Variants in NEBL observed in about 807,000 individuals in gnomAD.
NEBL encodes the protein nebulette.
NEBL carries 122 observed loss-of-function variants against 140.2 expected under a neutral mutation model. That is an observed-to-expected ratio of 0.87 (90% CI 0.75 to 1.01). The LOEUF (loss-of-function observed/expected upper bound fraction) is 1.01. Ranked by LOEUF, NEBL falls within the 50% of genes least tolerant of loss-of-function variation. The pLI is 0.00. For missense variants in NEBL, 1,365 were observed against 1,231.3 expected, an observed-to-expected ratio of 1.11 and a Z score of -1.62; for synonymous variants, 436 against 398.9, an observed-to-expected ratio of 1.09 and a Z score of -1.11.
At chr10:20,988,303 C>T (rs1837332457) in intron 3 of NEBL, among the ~76,000 whole-genome samples, 1 of 152,176 alleles carries the variant, frequency 6.6e-6, no homozygotes. Flanking sequence ...CTCAGAAAAA[C>T]CCTTTCCACA....
At chr10:20,888,629 G>C (rs571747890) in intron 3 of NEBL, among the ~76,000 whole-genome samples, 3 of 152,248 alleles carry the variant, frequency 2.0e-5, no homozygotes, top group Admixed American at 2.0e-4. Flanking sequence ...CCTGCTCCAG[G>C]GGGAGAGGGG....
intron 2 of NEBL, among the ~76,000 whole-genome samples, chr10:21,166,352 T>A (rs1001294667): frequency 6.6e-6 from 1 of 152,084 alleles, no homozygotes; most frequent in Non-Finnish European, 1.5e-5. Context: ...TTAAATGAAT[T>A]CTGATGTTTT....
chr10:20,800,288 G>T (rs2131690198), intron 26 of NEBL, among the ~76,000 whole-genome samples: 1 of 151,956 alleles, frequency 6.6e-6, no homozygotes, highest in East Asian at 1.9e-4. Context: ...CCATATTATG[G>T]CAAATGGCAG....
chr10:20,872,612 C>G (rs1461411367), intron 5 of NEBL, among the ~76,000 whole-genome samples: 1 of 152,104 alleles, frequency 6.6e-6, no homozygotes, highest in Non-Finnish European at 1.5e-5. Flanking sequence ...GGCTGCATTC[C>G]CAGATGGTTA....
At chr10:20,869,863 T>TA in intron 5 of NEBL, 22 bp from the exon 6 acceptor site, 1 of 1,428,352 alleles carries the variant, frequency 7.0e-7, no homozygotes, top group Non-Finnish European at 9.9e-7. Flanking sequence ...CAGTTTTGGT[T>TA]AAAAAATAAA....
intron 26 of NEBL, among the ~76,000 whole-genome samples, chr10:20,788,749 A>C (rs969895130): frequency 6.6e-6 from 1 of 152,206 alleles, no homozygotes; most frequent in Non-Finnish European, 1.5e-5. Context: ...TTATCAACAA[A>C]ATTTAAATAT....
chr10:20,946,823 A>C (rs1263852552), intron 4 of NEBL, among the ~76,000 whole-genome samples: 2 of 152,186 alleles, frequency 1.3e-5, no homozygotes, highest in African/African-American at 4.8e-5. Context: ...GGGATTCTAG[A>C]TGTGGAAATC....
chr10:21,182,908 CTTTATA>C (rs973833326), intron 3 of NEBL, among the ~76,000 whole-genome samples: 17 of 152,190 alleles, frequency 1.1e-4, no homozygotes, highest in African/African-American at 3.1e-4. Flanking sequence ...GCAGTACCCA[CTTTATA>C]TTTATAGCGC....
chr10:20,796,607 G>T (rs1836571706), intron 26 of NEBL, among the ~76,000 whole-genome samples: 1 of 151,980 alleles, frequency 6.6e-6, no homozygotes, highest in South Asian at 2.1e-4. Flanking sequence ...CCATAATATG[G>T]TTTAAATACA....
intron 3 of NEBL, among the ~76,000 whole-genome samples, chr10:21,217,493 G>GA (rs11452936): frequency 0.28 from 42,813 of 152,036 alleles, 10,932 homozygotes; most frequent in African/African-American, 0.69. Flanking sequence ...TTCTAAATAC[G>GA]ACTGGCTTCC....
intron 3 of NEBL, 151 bp from the exon 4 acceptor site, chr10:20,888,358 A>G: frequency 1.6e-6 from 1 of 642,532 alleles, no homozygotes; most frequent in Non-Finnish European, 2.8e-6. Context: ...AGAGCTGACA[A>G]ACTCCAGGAT....
At chr10:21,170,815 C>G (rs965179766) in intron 2 of NEBL, 2 of 152,358 alleles carry the variant, frequency 1.3e-5, no homozygotes, top group Admixed American at 1.3e-4. Context: ...TGAGTGATTC[C>G]ATTTGCTTAC....
Position 20,831,471 on chromosome 10 carries a change from A to C in NEBL, c.1560+2T>G. ...AAACTTTGTATCTTGCTGCTGTCTT[A>C]CCTGGCTGGCCATCTCGGATGCTTT... On this transcript the variant is annotated splice_donor_variant, in intron 15 of 27. Coordinates refer to ENST00000377122, the MANE Select transcript of NEBL (RefSeq NM_006393.3). LOFTEE classifies it high-confidence loss of function. 6.3e-7 allele frequency: 1 copy of C among 1,598,260 alleles called. No homozygotes were observed. The highest frequency in any genetic ancestry group is 8.6e-7 in the Non-Finnish European group (1 of 1,167,030).
At chr10:20,834,430 G>A (rs191567283) in intron 14 of NEBL, among the ~76,000 whole-genome samples, 10 of 152,304 alleles carry the variant, frequency 6.6e-5, no homozygotes, top group African/African-American at 2.4e-4. Flanking sequence ...TTATTGATCA[G>A]GAAACCTATA....
chr10:21,167,651 A>G (rs570645869), intron 2 of NEBL, among the ~76,000 whole-genome samples: 1 of 152,254 alleles, frequency 6.6e-6, no homozygotes, highest in Admixed American at 6.5e-5. Context: ...TGACTTATAC[A>G]CACAACAAAT....
intron 3 of NEBL, among the ~76,000 whole-genome samples, chr10:21,221,911 T>A (rs10828213): frequency 6.6e-6 from 1 of 151,704 alleles, no homozygotes; most frequent in Admixed American, 6.6e-5. Context: ...CACTGAGACC[T>A]AGGTGCCCAT....
chr10:21,277,095 C>T (rs760055441), intron 1 of NEBL, among the ~76,000 whole-genome samples: 1 of 151,982 alleles, frequency 6.6e-6, no homozygotes, highest in Non-Finnish European at 1.5e-5. Context: ...CACTACTGTA[C>T]TCCAGCCTGA....
chr10:21,024,258 T>A (rs1838931610), intron 2 of NEBL, among the ~76,000 whole-genome samples: 1 of 152,156 alleles, frequency 6.6e-6, no homozygotes, highest in South Asian at 2.1e-4. Context: ...GATTTTTTAA[T>A]AGTGGGTTAA....
intron 7 of NEBL, among the ~76,000 whole-genome samples, chr10:20,863,057 A>G (rs140221620): frequency 3.7e-4 from 56 of 152,250 alleles, no homozygotes; most frequent in Non-Finnish European, 5.9e-4. Context: ...AAAGAATTAT[A>G]AGAGACAGCA....
Sources: gnomAD v4.1 joint callset for allele counts (sites outside exome capture counted in the v4.1 genomes callset) on GRCh38, gnomAD v4.1.1 for gene constraint, MANE v1.5 for transcripts, NCBI Gene and HGNC (gene_info 2026-07-23, HGNC 2026-07-21) for gene names.